The following UTRN variants were observed in gnomAD, a reference collection of about 807,000 sequenced individuals.
UTRN encodes the protein utrophin, also known as dystrophin-related protein 1.
A neutral mutation model predicts 463.9 loss-of-function variants in UTRN; 283 were observed. The ratio of observed to expected loss-of-function variants is 0.61; its 90% CI spans 0.55 to 0.67. UTRN has a LOEUF of 0.67. UTRN is among the 30% of genes least tolerant of loss of function. UTRN has a pLI of 0.00. For missense variants in UTRN, 3,922 were observed against 4,084.3 expected, an observed-to-expected ratio of 0.96 and a Z score of 1.08; for synonymous variants, 1,442 against 1,431.5, an observed-to-expected ratio of 1.01 and a Z score of -0.17.
chr6:144,459,331 A>T lies in UTRN; in HGVS notation c.2684A>T (p.Asp895Val). 1.2e-6 allele frequency: 2 copies of T among 1,606,380 alleles called. No homozygotes were observed. The highest frequency in any genetic ancestry group is 2.7e-5 in the African/African-American group (2 of 74,580). ...CAAGCTGTACAAGAGGCTGTAGAGGATCGTCAACAACATCTAGAGAATGGT... is the reference window on the plus strand; with the variant it reads ...CAAGCTGTACAAGAGGCTGTAGAGGTTCGTCAACAACATCTAGAGAATGGT... Reference protein sequence around the residue: ...RYQAVQEAVEDRQQHLENELK... With the variant: ...RYQAVQEAVEVRQQHLENELK... The change falls in exon 21 of 75, where the codon GAT (aspartate) becomes GTT (valine). Residue 895 changes from aspartate (D) to valine (V), a missense_variant. Physicochemically the swap from Asp to Val is radical, Grantham distance 152 (BLOSUM62 -3). Transcript: ENST00000367545.
intron 53 of UTRN, among the ~76,000 whole-genome samples, chr6:144,725,797 G>A (rs1355843095): frequency 6.6e-6 from 1 of 152,164 alleles, no homozygotes; most frequent in Non-Finnish European, 1.5e-5. Flanking sequence ...AGGACAAATT[G>A]AATAACAAAA....
chr6:144,843,716 C>T (rs569666121), intron 73 of UTRN, among the ~76,000 whole-genome samples: 5 of 152,206 alleles, frequency 3.3e-5, no homozygotes, highest in African/African-American at 1.2e-4. Flanking sequence ...TTTATGGAGC[C>T]CTGAGATTCC....
intron 2 of UTRN, among the ~76,000 whole-genome samples, chr6:144,389,744 G>A (rs1309240480): frequency 6.6e-6 from 1 of 152,104 alleles, no homozygotes; most frequent in African/African-American, 2.4e-5. Context: ...GATTGCAGGC[G>A]TCTGCCACCA....
intron 61 of UTRN, among the ~76,000 whole-genome samples, chr6:144,782,504 T>A (rs955453156): frequency 2.0e-5 from 3 of 152,112 alleles, no homozygotes; most frequent in Non-Finnish European, 2.9e-5. Context: ...ATTACAGTAA[T>A]TTATTAGCTC....
At chr6:144,493,108 G>T (rs1016187891) in intron 32 of UTRN, among the ~76,000 whole-genome samples, 193 bp from the exon 33 acceptor site, 2 of 152,272 alleles carry the variant, frequency 1.3e-5, no homozygotes, top group Middle Eastern at 3.4e-3. Context: ...TTTCTTGTCA[G>T]ATTTGAAGAA....
In UTRN at chr6:144,690,072, CTG is replaced by C. The variant is rs1783173733; in HGVS notation, c.7653-10013_7653-10012del. ...GGGGCCATAGAGCTCCCAAAAGTTT[CTG>C]TTTTTTTTTTTTTTTTTTTTTTGTG... On this transcript the variant is annotated intron_variant, in intron 52 of 74. Transcript: ENST00000367545. Among the ~76,000 whole-genome samples the C allele has an allele frequency of 5.9e-4, 21 of 35,656 alleles. 1 individual carries two copies. The highest frequency in any genetic ancestry group is 2.9e-3 in the East Asian group (2 of 686). 23.4% of individuals were successfully genotyped at this position (35,656 alleles called of 152,430 possible). A position where few individuals can be genotyped will look rare whatever the true frequency, so the allele number is the denominator to read the frequency against.
intron 1 of UTRN, among the ~76,000 whole-genome samples, chr6:144,287,313 C>T (rs1803784289): frequency 6.6e-6 from 1 of 152,184 alleles, no homozygotes; most frequent in Non-Finnish European, 1.5e-5. Context: ...AATTTATTGG[C>T]TCTGTAAACA....
At chr6:144,750,817 A>G (rs1791314494) in intron 55 of UTRN, among the ~76,000 whole-genome samples, 1 of 152,082 alleles carries the variant, frequency 6.6e-6, no homozygotes, top group Non-Finnish European at 1.5e-5. Flanking sequence ...GTGAGGGTCT[A>G]TTCCCAAGCA....
At chr6:144,360,509 A>C (rs1416570989) in intron 2 of UTRN, among the ~76,000 whole-genome samples, 3 of 152,068 alleles carry the variant, frequency 2.0e-5, no homozygotes, top group Non-Finnish European at 4.4e-5. Flanking sequence ...CCCCAATCCT[A>C]GCTGTAGCAG....
chr6:144,365,746 AT>A (rs1256146770), intron 2 of UTRN, among the ~76,000 whole-genome samples: 1 of 151,980 alleles, frequency 6.6e-6, no homozygotes, highest in Non-Finnish European at 1.5e-5. Flanking sequence ...TTTTATTTTT[AT>A]TTTTTTCTGA....
rs534196050 is a variant in UTRN, at chr6:144,429,925, T to TA, written c.855+186dup. 2.0e-5 allele frequency among the ~76,000 whole-genome samples: 3 copies of TA among 152,298 alleles called. No individual in the cohort carries two copies. The South Asian group carries it at 6.2e-4, about 32-fold the overall frequency. On this transcript the variant is annotated intron_variant, in intron 9 of 74. Coordinates refer to ENST00000367545, the MANE Select transcript of UTRN (RefSeq NM_007124.3). ...GTCACATGTGTGTAATAGAACACCA[T>TA]AACTCAATGGACTTTATTAAGAAGG...
At chr6:144,828,484 C>T (rs545940822) in intron 68 of UTRN, among the ~76,000 whole-genome samples, 123 of 152,182 alleles carry the variant, frequency 8.1e-4, no homozygotes, top group Middle Eastern at 3.4e-3. Context: ...GAGAATGTCA[C>T]GCTCACTTAG....
intron 34 of UTRN, among the ~76,000 whole-genome samples, chr6:144,506,146 A>G (rs1024188218): frequency 6.7e-6 from 1 of 148,156 alleles, no homozygotes; most frequent in Non-Finnish European, 1.5e-5. Context: ...TTTTGAGTCT[A>G]TGTGTGTCTT....
At chr6:144,539,269 C>T (rs369165222) in intron 44 of UTRN, 25 bp from the exon 45 acceptor site, 4 of 1,567,742 alleles carry the variant, frequency 2.6e-6, no homozygotes, top group Non-Finnish European at 3.5e-6. Context: ...ACCTTCTAAC[C>T]ACACCTATCT....
intron 65 of UTRN, among the ~76,000 whole-genome samples, chr6:144,817,541 A>T (rs1183345804): frequency 6.6e-6 from 1 of 152,040 alleles, no homozygotes; most frequent in Non-Finnish European, 1.5e-5. Flanking sequence ...TTCCAAACCA[A>T]ACCATTACTT....
chr6:144,370,827 G>A (rs1779917567), intron 2 of UTRN, among the ~76,000 whole-genome samples: 1 of 152,210 alleles, frequency 6.6e-6, no homozygotes, highest in African/African-American at 2.4e-5. Context: ...GGAGTCAAAG[G>A]AGATCATTTT....
chr6:144,583,244 C>G (rs1359704201), intron 51 of UTRN: 1 of 375,910 alleles, frequency 2.7e-6, no homozygotes, highest in Non-Finnish European at 4.7e-6. Context: ...CCGGGCTGAG[C>G]AAGTGCTGCC....
At chr6:144,569,591 A>G (rs922258948) in intron 50 of UTRN, among the ~76,000 whole-genome samples, 2 of 152,178 alleles carry the variant, frequency 1.3e-5, no homozygotes, top group South Asian at 4.1e-4. Context: ...CTATTGCTGT[A>G]TAAGTTTATT....
chr6:144,564,869 A>G (rs1005177158), intron 50 of UTRN, among the ~76,000 whole-genome samples: 1 of 152,170 alleles, frequency 6.6e-6, no homozygotes, highest in African/African-American at 2.4e-5. Context: ...TCACATGGGA[A>G]GGAGTTTGGA....
Sources: gnomAD v4.1 joint callset for allele counts (sites outside exome capture counted in the v4.1 genomes callset) on GRCh38, gnomAD v4.1.1 for gene constraint, MANE v1.5 for transcripts, NCBI Gene and HGNC (gene_info 2026-07-23, HGNC 2026-07-21) for gene names.